SAMD5: variants seen among roughly 807,000 people sequenced by gnomAD.
SAMD5 encodes the protein sterile alpha motif domain containing 5.
A neutral mutation model predicts 11.3 loss-of-function variants in SAMD5; 13 were observed. The ratio of observed to expected loss-of-function variants is 1.15; its 90% confidence interval spans 0.75 to 1.83. The LOEUF is 1.83. Ranked by LOEUF, SAMD5 falls within the 40% of genes most tolerant of loss-of-function variation. The pLI, the probability that SAMD5 is intolerant of heterozygous loss-of-function variation, is 0.00. For synonymous variants in SAMD5, 129 were observed against 111.3 expected, an observed-to-expected ratio of 1.16 and a Z score of -1.00; for missense variants, 255 against 239.1, an observed-to-expected ratio of 1.07 and a Z score of -0.44.
At chr6:147,917,876 G>A in the SAMD5 span, among the ~76,000 whole-genome samples, 528 of 152,242 alleles carry the variant, frequency 3.5e-3, 2 homozygotes, top group African/African-American at 0.012. Context: ...GTAGATGTGT[G>A]GTATTATTTC....
the SAMD5 span, among the ~76,000 whole-genome samples, chr6:147,875,361 C>A: frequency 6.6e-6 from 1 of 152,104 alleles, no homozygotes; most frequent in Admixed American, 6.5e-5. Flanking sequence ...AGTAGTGGTC[C>A]CCTCTTAACT....
intron 1 of SAMD5, among the ~76,000 whole-genome samples, chr6:147,640,497 CAAAAAAAAAAAAAAA>C (rs1172694444): frequency 3.4e-3 from 83 of 24,194 alleles, no homozygotes; most frequent in Admixed American, 0.011. Context: ...GACTCTGTCG[CAAAAAAAAAAAAAAA>C]AAAAAAAAAA....
At chr6:147,877,008 T>G in the SAMD5 span, among the ~76,000 whole-genome samples, 1 of 152,122 alleles carries the variant, frequency 6.6e-6, no homozygotes, top group Admixed American at 6.5e-5. Context: ...CAGGCCCCAG[T>G]GGAAAGCAGA....
chr6:147,688,883 T>C (rs564204149), intron 1 of SAMD5, among the ~76,000 whole-genome samples: 4 of 152,342 alleles, frequency 2.6e-5, no homozygotes, highest in East Asian at 3.9e-4. Flanking sequence ...CCTGGCTTCA[T>C]TCTTTAATGA....
intron 1 of SAMD5, among the ~76,000 whole-genome samples, chr6:147,669,110 C>G (rs1327513612): frequency 6.6e-6 from 1 of 152,070 alleles, no homozygotes; most frequent in Non-Finnish European, 1.5e-5. Flanking sequence ...TTTGCCACAT[C>G]AATGGACTCT....
the SAMD5 span, among the ~76,000 whole-genome samples, chr6:147,924,541 T>C: frequency 6.6e-6 from 1 of 152,084 alleles, no homozygotes; most frequent in African/African-American, 2.4e-5. Context: ...CATATGAAGA[T>C]GGTCAACTAA....
chr6:147,615,332 T>C (rs563219498), intron 1 of SAMD5, among the ~76,000 whole-genome samples: 1 of 152,200 alleles, frequency 6.6e-6, no homozygotes, highest in Non-Finnish European at 1.5e-5. Flanking sequence ...TAAAAGCTCA[T>C]TGAAATTTTA....
At chr6:147,819,412 C>A in the SAMD5 span, among the ~76,000 whole-genome samples, 2 of 152,044 alleles carry the variant, frequency 1.3e-5, no homozygotes, top group African/African-American at 4.8e-5. Context: ...ACCTATATAA[C>A]AAAGCTGCAC....
intron 1 of SAMD5, among the ~76,000 whole-genome samples, chr6:147,540,516 A>G (rs1031458779): frequency 2.0e-5 from 3 of 152,208 alleles, no homozygotes. Flanking sequence ...GAGGAATTTC[A>G]TACAGTATTT....
the SAMD5 span, among the ~76,000 whole-genome samples, chr6:147,951,331 A>G: frequency 2.9e-3 from 446 of 151,816 alleles, 3 homozygotes; most frequent in African/African-American, 9.8e-3. Flanking sequence ...ACAGGAGCCC[A>G]CCAACACGCC....
At chr6:147,631,435 G>A (rs1486570591) in intron 1 of SAMD5, among the ~76,000 whole-genome samples, 1 of 152,128 alleles carries the variant, frequency 6.6e-6, no homozygotes, top group Non-Finnish European at 1.5e-5. Context: ...TTGGTGAGGT[G>A]TGTTTTTGAA....
At chr6:147,805,881 G>A in the SAMD5 span, among the ~76,000 whole-genome samples, 1 of 152,150 alleles carries the variant, frequency 6.6e-6, no homozygotes, top group Non-Finnish European at 1.5e-5. Context: ...GAGATATAAG[G>A]TACTGATCCA....
intron 1 of SAMD5, among the ~76,000 whole-genome samples, chr6:147,706,201 CT>C (rs1281692476): frequency 2.6e-5 from 4 of 151,912 alleles, no homozygotes; most frequent in African/African-American, 9.7e-5. Flanking sequence ...TAATGCTTAC[CT>C]TGTGACAAAT....
intron 1 of SAMD5, among the ~76,000 whole-genome samples, chr6:147,584,339 T>A (rs1194068419): frequency 6.6e-6 from 1 of 152,218 alleles, no homozygotes; most frequent in Non-Finnish European, 1.5e-5. Context: ...GCCTTTATCT[T>A]GTATTATATT....
chr6:147,799,459 C>T, the SAMD5 span, among the ~76,000 whole-genome samples: 1 of 151,518 alleles, frequency 6.6e-6, no homozygotes. Context: ...GATGGGCTTC[C>T]CTTTGAGGGT....
At chr6:147,943,891 A>T in the SAMD5 span, among the ~76,000 whole-genome samples, 117,365 of 151,918 alleles carry the variant, frequency 0.77, 45,881 homozygotes, top group Non-Finnish European at 0.84. Flanking sequence ...CAGTGCACAT[A>T]ATTCTCCTGG....
the SAMD5 span, among the ~76,000 whole-genome samples, chr6:147,835,898 C>T: frequency 7.2e-5 from 11 of 152,288 alleles, 1 homozygote; most frequent in African/African-American, 2.6e-4. Context: ...CCCCATCACC[C>T]CACACCTGCC....
intron 1 of SAMD5, among the ~76,000 whole-genome samples, chr6:147,579,903 G>T (rs775103637): frequency 6.6e-6 from 1 of 152,140 alleles, no homozygotes; most frequent in East Asian, 1.9e-4. Context: ...TGTGCCAGGC[G>T]CTGTTGTAAA....
intron 1 of SAMD5, among the ~76,000 whole-genome samples, chr6:147,546,265 C>T (rs1334629502): frequency 1.3e-5 from 2 of 152,106 alleles, no homozygotes; most frequent in Admixed American, 1.3e-4. Flanking sequence ...CGCGGTGGCT[C>T]ACGCCTGTAA....
Sources: allele counts gnomAD v4.1 joint callset (sites outside exome capture counted in the v4.1 genomes callset), GRCh38; gene constraint gnomAD v4.1.1; transcripts MANE v1.5; gene names NCBI Gene and HGNC (gene_info 2026-07-23, HGNC 2026-07-21).